Variants in SHOC2 observed in about 807,000 individuals in gnomAD.
SHOC2 encodes the protein leucine-rich repeat protein SHOC-2.
Under a neutral mutation model 50.2 loss-of-function variants are expected in SHOC2, and 4 were observed. The observed-to-expected ratio is 0.08, with a 90% CI of 0.04 to 0.18. The LOEUF (loss-of-function observed/expected upper bound fraction) is 0.18, where lower values mean the gene tolerates loss of function less well. SHOC2 is among the 10% of genes least tolerant of loss of function. SHOC2 has a pLI of 1.00. For synonymous variants in SHOC2, 218 were observed against 244.5 expected (o/e 0.89, Z 1.01); for missense variants, 388 against 669.6 (o/e 0.58, Z 4.64).
chr10:110,928,602 A>G (rs1846823672), intron 1 of SHOC2, among the ~76,000 whole-genome samples: 1 of 152,172 alleles, frequency 6.6e-6, no homozygotes, highest in South Asian at 2.1e-4. Flanking sequence ...TTTGCTTTAA[A>G]CATCAGCTGT....
intron 1 of SHOC2, among the ~76,000 whole-genome samples, chr10:110,959,147 C>G (rs1365708266): frequency 6.6e-6 from 1 of 151,916 alleles, no homozygotes; most frequent in Non-Finnish European, 1.5e-5. Flanking sequence ...GGCACAATAC[C>G]AGAAAGCAAT....
chr10:110,995,350 A>G (rs1381920596), intron 3 of SHOC2, among the ~76,000 whole-genome samples: 1 of 152,244 alleles, frequency 6.6e-6, no homozygotes, highest in Non-Finnish European at 1.5e-5. Context: ...CAGTTTACAG[A>G]GAGGTCGGTA....
intron 3 of SHOC2, among the ~76,000 whole-genome samples, chr10:110,998,943 A>G (rs1314221705): frequency 2.6e-5 from 4 of 152,224 alleles, no homozygotes; most frequent in Non-Finnish European, 5.9e-5. Context: ...GCTATAGACT[A>G]ATGTATGTTT....
chr10:110,963,508 TTTC>T (rs1384869234), intron 1 of SHOC2, among the ~76,000 whole-genome samples: 1 of 152,186 alleles, frequency 6.6e-6, no homozygotes, highest in Non-Finnish European at 1.5e-5. Flanking sequence ...GTTCTTTTTT[TTTC>T]TTTTGCCAGA....
At chr10:110,977,491 C>T (rs374667648) in intron 2 of SHOC2, among the ~76,000 whole-genome samples, 1 of 152,078 alleles carries the variant, frequency 6.6e-6, no homozygotes, top group Admixed American at 6.5e-5. Flanking sequence ...GTGATCCGCC[C>T]GCCTCAGCCT....
chr10:110,974,091 G>A (rs1847832685), intron 2 of SHOC2, among the ~76,000 whole-genome samples: 1 of 151,760 alleles, frequency 6.6e-6, no homozygotes, highest in Admixed American at 6.6e-5. Flanking sequence ...TCTTAAGTTG[G>A]TCAATTAGAT....
chr10:110,958,737 T>TG (rs1047242467), intron 1 of SHOC2, among the ~76,000 whole-genome samples: 3 of 152,124 alleles, frequency 2.0e-5, no homozygotes, highest in African/African-American at 7.2e-5. Flanking sequence ...TCTTTTTTTT[T>TG]TTGTTCCCTG....
At chr10:110,989,912 A>G (rs1212011416) in intron 3 of SHOC2, among the ~76,000 whole-genome samples, 1 of 152,314 alleles carries the variant, frequency 6.6e-6, no homozygotes, top group Non-Finnish European at 1.5e-5. Flanking sequence ...TATGTCACAC[A>G]GTGACATATT....
At chr10:110,946,805 G>C (rs1421079487) in intron 1 of SHOC2, among the ~76,000 whole-genome samples, 2 of 152,090 alleles carry the variant, frequency 1.3e-5, no homozygotes, top group African/African-American at 4.8e-5. Context: ...TGGAGGTAAG[G>C]GCTTGCCTTT....
chr10:110,935,838 A>T (rs902554583), intron 1 of SHOC2, among the ~76,000 whole-genome samples: 1 of 152,206 alleles, frequency 6.6e-6, no homozygotes, highest in Non-Finnish European at 1.5e-5. Flanking sequence ...TGTTGGTTAT[A>T]TAAAAACATT....
intron 8 of SHOC2, 53 bp from the exon 9 acceptor site, chr10:111,011,557 C>A: frequency 7.5e-7 from 1 of 1,331,748 alleles, no homozygotes; most frequent in Non-Finnish European, 1.1e-6. Flanking sequence ...CCCAGTTGAA[C>A]TTTTAAAATA....
At chr10:110,945,721 C>G (rs566868687) in intron 1 of SHOC2, among the ~76,000 whole-genome samples, 1 of 152,248 alleles carries the variant, frequency 6.6e-6, no homozygotes, top group South Asian at 2.1e-4. Context: ...GCTAGGCTTA[C>G]CCTGTGTGTG....
intron 1 of SHOC2, among the ~76,000 whole-genome samples, chr10:110,953,234 T>C (rs941886079): frequency 5.9e-5 from 9 of 152,172 alleles, no homozygotes; most frequent in Non-Finnish European, 1.2e-4. Flanking sequence ...GTCTGTTGTT[T>C]CCTTACTTTT....
At chr10:110,994,675 A>C (rs1283832470) in intron 3 of SHOC2, among the ~76,000 whole-genome samples, 3 of 152,222 alleles carry the variant, frequency 2.0e-5, no homozygotes, top group Admixed American at 2.0e-4. Context: ...GAAAGCAAAC[A>C]CATAAACATA....
At chr10:111,006,057 G>A (rs1437229016) in intron 5 of SHOC2, among the ~76,000 whole-genome samples, 1 of 152,174 alleles carries the variant, frequency 6.6e-6, no homozygotes, top group African/African-American at 2.4e-5. Flanking sequence ...AGTGGTAATG[G>A]TGTTGATTCT....
At chr10:110,995,468 T>C (rs1337351347) in intron 3 of SHOC2, among the ~76,000 whole-genome samples, 2 of 152,084 alleles carry the variant, frequency 1.3e-5, no homozygotes, top group Non-Finnish European at 2.9e-5. Context: ...TCAAACAGCA[T>C]GAAGGTGAGA....
At chr10:110,971,213 A>T (rs1847775600) in intron 2 of SHOC2, among the ~76,000 whole-genome samples, 1 of 151,898 alleles carries the variant, frequency 6.6e-6, no homozygotes, top group Non-Finnish European at 1.5e-5. Flanking sequence ...ATTCATTCTG[A>T]GTTAGTTTTT....
chr10:110,975,705 G>C (rs1262359738), intron 2 of SHOC2, among the ~76,000 whole-genome samples: 3 of 152,086 alleles, frequency 2.0e-5, no homozygotes, highest in African/African-American at 7.2e-5. Flanking sequence ...ATATTGATAA[G>C]TCTCATTACT....
intron 3 of SHOC2, 29 bp downstream of exon 3, chr10:110,985,794 G>A (rs1216051612): frequency 6.3e-7 from 1 of 1,582,588 alleles, no homozygotes. Context: ...GATATTGATA[G>A]CTGTTAATAG....
Sources: allele counts gnomAD v4.1 joint callset (sites outside exome capture counted in the v4.1 genomes callset), GRCh38; gene constraint gnomAD v4.1.1; transcripts MANE v1.5; gene names NCBI Gene and HGNC (gene_info 2026-07-23, HGNC 2026-07-21).